The following ARL15 variants were observed in gnomAD, a reference collection of about 807,000 sequenced individuals.
ARL15 encodes ADP-ribosylation factor-like protein 15.
In ARL15, 19 loss-of-function variants were observed where a neutral mutation model predicts 25.2. That is an observed-to-expected ratio of 0.75 (90% CI 0.53 to 1.10). The LOEUF is 1.10. Among genes scored for constraint, ARL15 ranks in the 50% least tolerant of loss-of-function variants. The pLI is 0.00. For missense variants in ARL15, 220 were observed against 246.0 expected (o/e 0.89, Z 0.71); for synonymous variants, 94 against 86.8 (o/e 1.08, Z -0.46).
chr5:54,181,050 A>G (rs190172001), intron 1 of ARL15, among the ~76,000 whole-genome samples: 187 of 152,306 alleles, frequency 1.2e-3, no homozygotes, highest in Admixed American at 2.2e-3. Flanking sequence ...CAAAAGTGAG[A>G]TTTTAAAAGT....
intron 4 of ARL15, among the ~76,000 whole-genome samples, chr5:53,939,472 C>G: frequency 6.6e-6 from 1 of 152,174 alleles, no homozygotes; most frequent in Admixed American, 6.5e-5. Context: ...CGCGATGGCT[C>G]ACGCCTATAA....
intron 4 of ARL15, among the ~76,000 whole-genome samples, chr5:53,938,109 T>C (rs796800256): frequency 3.9e-5 from 6 of 152,278 alleles, no homozygotes; most frequent in African/African-American, 1.2e-4. Flanking sequence ...TCAACTGATA[T>C]GGGGTTCAAC....
intron 1 of ARL15, among the ~76,000 whole-genome samples, chr5:54,280,153 C>T (rs1758019575): frequency 6.6e-6 from 1 of 152,164 alleles, no homozygotes. Flanking sequence ...CCTTCCTTCC[C>T]ACTCTTCCTT....
chr5:54,290,221 T>C (rs992081336), intron 1 of ARL15, among the ~76,000 whole-genome samples: 2 of 152,156 alleles, frequency 1.3e-5, no homozygotes, highest in African/African-American at 4.8e-5. Context: ...CCTCACAATA[T>C]TGTCCAGATT....
At chr5:54,185,467 C>G (rs960802260) in intron 1 of ARL15, among the ~76,000 whole-genome samples, 1 of 152,162 alleles carries the variant, frequency 6.6e-6, no homozygotes, top group East Asian at 1.9e-4. Flanking sequence ...TCCATCTTCC[C>G]CCACTGGACT....
chr5:54,071,512 C>CG (rs2112073394), intron 4 of ARL15, among the ~76,000 whole-genome samples: 1 of 3,834 alleles, frequency 2.6e-4, no homozygotes, highest in African/African-American at 5.3e-4. Context: ...ACCGCCTTTC[C>CG]CCCCCCCCCC....
chr5:54,264,681 T>G (rs189088389), intron 1 of ARL15, among the ~76,000 whole-genome samples: 17 of 152,262 alleles, frequency 1.1e-4, no homozygotes, highest in Admixed American at 7.2e-4. Flanking sequence ...TCTTAGGACC[T>G]TTGCATAGGC....
chr5:54,154,120 G>GT (rs1476661757), intron 3 of ARL15, among the ~76,000 whole-genome samples: 1 of 152,188 alleles, frequency 6.6e-6, no homozygotes, highest in Non-Finnish European at 1.5e-5. Flanking sequence ...TCCGATAAAT[G>GT]TGCTTGGCCA....
chr5:54,187,849 G>A (rs971412043), intron 1 of ARL15, among the ~76,000 whole-genome samples: 2 of 152,152 alleles, frequency 1.3e-5, no homozygotes, highest in South Asian at 2.1e-4. Flanking sequence ...AAATGGGACA[G>A]GACATACTTG....
intron 1 of ARL15, among the ~76,000 whole-genome samples, chr5:54,204,069 C>A (rs1357239050): frequency 6.6e-6 from 1 of 152,032 alleles, no homozygotes; most frequent in African/African-American, 2.4e-5. Context: ...GAAGCTGCTA[C>A]CTAAACAACT....
At chr5:54,163,134 G>T (rs563247485) in intron 2 of ARL15, among the ~76,000 whole-genome samples, 85 of 151,570 alleles carry the variant, frequency 5.6e-4, no homozygotes, top group African/African-American at 2.0e-3. Flanking sequence ...TTTTGTTTTT[G>T]TTTTTTGCAT....
intron 1 of ARL15, among the ~76,000 whole-genome samples, chr5:54,200,915 T>C (rs1165339110): frequency 6.6e-6 from 1 of 152,192 alleles, no homozygotes; most frequent in Non-Finnish European, 1.5e-5. Context: ...CTTGTTATAG[T>C]AACAAAAAGC....
chr5:53,997,461 C>CA (rs34579822), intron 4 of ARL15, among the ~76,000 whole-genome samples: 40,401 of 152,048 alleles, frequency 0.27, 5,591 homozygotes, highest in East Asian at 0.46. Flanking sequence ...CAGGCCTTCC[C>CA]ACACCACTTC....
intron 4 of ARL15, among the ~76,000 whole-genome samples, chr5:53,958,065 C>T (rs1320330191): frequency 6.6e-6 from 1 of 151,812 alleles, no homozygotes; most frequent in Non-Finnish European, 1.5e-5. Flanking sequence ...CAAAAATTAA[C>T]CAGGCACGGT....
At chr5:54,201,388 A>C (rs1332913978) in intron 1 of ARL15, among the ~76,000 whole-genome samples, 1 of 152,142 alleles carries the variant, frequency 6.6e-6, no homozygotes, top group Non-Finnish European at 1.5e-5. Flanking sequence ...GTCAAACTTC[A>C]GTTAGGCTTC....
chr5:53,977,740 C>T (rs1747987381), intron 4 of ARL15, among the ~76,000 whole-genome samples: 1 of 152,150 alleles, frequency 6.6e-6, no homozygotes, highest in African/African-American at 2.4e-5. Flanking sequence ...TATCAAGTCT[C>T]TGGAAACAAG....
chr5:54,087,951 T>C (rs184497932), intron 4 of ARL15, among the ~76,000 whole-genome samples: 1 of 152,318 alleles, frequency 6.6e-6, no homozygotes, highest in East Asian at 1.9e-4. Context: ...GCTGGGATTA[T>C]AGGCGTGAGC....
At chr5:53,989,011 T>A (rs1664795) in intron 4 of ARL15, among the ~76,000 whole-genome samples, 5 of 151,924 alleles carry the variant, frequency 3.3e-5, no homozygotes, top group Admixed American at 1.3e-4. Context: ...TCTGCAAGGC[T>A]GATGGGCTAG....
intron 4 of ARL15, among the ~76,000 whole-genome samples, chr5:53,898,816 C>A (rs910183275): frequency 1.3e-5 from 2 of 151,678 alleles, no homozygotes; most frequent in African/African-American, 4.8e-5. Flanking sequence ...CCATGCCTGG[C>A]TAATTTTTGT....
Sources: allele counts gnomAD v4.1 joint callset (sites outside exome capture counted in the v4.1 genomes callset), GRCh38; gene constraint gnomAD v4.1.1; transcripts MANE v1.5; gene names NCBI Gene and HGNC (gene_info 2026-07-23, HGNC 2026-07-21).